DIAPH3: variants seen among roughly 807,000 people sequenced by gnomAD.
DIAPH3 encodes diaphanous related formin 3.
A neutral mutation model predicts 144.3 loss-of-function variants in DIAPH3; 117 were observed. That is an observed-to-expected ratio of 0.81 (90% CI 0.70 to 0.95). The LOEUF (loss-of-function observed/expected upper bound fraction) is 0.95. Among genes scored for constraint, DIAPH3 ranks in the 40% least tolerant of loss-of-function variants. The pLI is 0.00. For missense variants in DIAPH3, 1,421 were observed against 1,412.7 expected, an observed-to-expected ratio of 1.01 and a Z score of -0.09; for synonymous variants, 519 against 488.9, an observed-to-expected ratio of 1.06 and a Z score of -0.81.
At chr13:60,061,861 G>A (rs879715677) in intron 4 of DIAPH3, among the ~76,000 whole-genome samples, 3 of 151,826 alleles carry the variant, frequency 2.0e-5, no homozygotes, top group South Asian at 2.1e-4. Flanking sequence ...CCTTAACTCC[G>A]GGGGGTGAGG....
chr13:59,894,452 A>C (rs921806987), intron 20 of DIAPH3, among the ~76,000 whole-genome samples: 1 of 152,014 alleles, frequency 6.6e-6, no homozygotes, highest in African/African-American at 2.4e-5. Context: ...AAAATCATGG[A>C]TAATTCCAAA....
chr13:59,790,727 TG>T (rs2039286450), intron 25 of DIAPH3, among the ~76,000 whole-genome samples: 1 of 151,998 alleles, frequency 6.6e-6, no homozygotes, highest in Non-Finnish European at 1.5e-5. Context: ...GAAAAAGAAT[TG>T]ACATATGCTT....
chr13:59,884,296 C>T (rs1390997040), intron 20 of DIAPH3, among the ~76,000 whole-genome samples: 1 of 152,150 alleles, frequency 6.6e-6, no homozygotes, highest in Non-Finnish European at 1.5e-5. Context: ...AGGGCTCCCA[C>T]TGATTCTACA....
At chr13:59,707,570 A>G (rs147195058) in intron 27 of DIAPH3, among the ~76,000 whole-genome samples, 22 of 152,344 alleles carry the variant, frequency 1.4e-4, no homozygotes, top group African/African-American at 5.1e-4. Context: ...CCCAAAGTTT[A>G]TAACTTAGAA....
chr13:59,889,927 G>A (rs1193687271), intron 20 of DIAPH3, among the ~76,000 whole-genome samples: 1 of 152,134 alleles, frequency 6.6e-6, no homozygotes, highest in Non-Finnish European at 1.5e-5. Context: ...GGTTTTATTA[G>A]GGTGGGTCTA....
chr13:60,153,478 C>T (rs1180766938), intron 1 of DIAPH3: 1 of 152,068 alleles, frequency 6.6e-6, no homozygotes, highest in South Asian at 2.1e-4. Context: ...CAGGCCTCTG[C>T]TAACAGTGTA....
chr13:59,833,210 T>C lies in DIAPH3; in HGVS notation c.2924A>G (p.Glu975Gly), dbSNP rs1483722634. 1 of 1,610,006 alleles carries C rather than the reference T, an allele frequency of 6.2e-7. No homozygotes were observed. The highest frequency in any genetic ancestry group is 1.3e-5 in the African/African-American group (1 of 74,738). ...TCCTATTATACTCTGGTATAACTTT[T>C]CCATGTTTTCGTGTAACTTCGAAAG... ...ETLSKLHENM[E>G]KLYQSIIGYY... Residue 975 changes from glutamate (E) to glycine (G), a missense_variant, in exon 24 of 28, where the codon GAA becomes GGA. Transcript: ENST00000400324.
At position 60,137,345 on chromosome 13, in the gene DIAPH3, T is replaced by C. The variant is rs182254824; in HGVS notation, c.181-4356A>G. On this transcript the variant is annotated intron_variant, in intron 1 of 27. Coordinates refer to ENST00000400324, the MANE Select transcript of DIAPH3 (RefSeq NM_001042517.2). ...GAAGATAGTACATGCTGTCAAAAAATGGATTTAGAGCTTTCAGAGAACTGT... is the reference window on the plus strand; with the variant it reads ...GAAGATAGTACATGCTGTCAAAAAACGGATTTAGAGCTTTCAGAGAACTGT... Among the ~76,000 whole-genome samples, 272 of 152,324 alleles carry C rather than the reference T, an allele frequency of 1.8e-3. 1 individual carries two copies. Among genetic ancestry groups the C allele is most frequent in the Non-Finnish European group, 3.3e-3 (223 of 68,020 alleles).
intron 3 of DIAPH3, 69 bp downstream of exon 3, chr13:60,111,941 A>C: frequency 6.6e-7 from 1 of 1,524,964 alleles, no homozygotes; most frequent in African/African-American, 1.4e-5. Context: ...AAATGCTTAG[A>C]GTTCCATTAA....
intron 1 of DIAPH3, among the ~76,000 whole-genome samples, chr13:60,160,987 A>C (rs1404451527): frequency 1.3e-5 from 2 of 152,190 alleles, no homozygotes; most frequent in Non-Finnish European, 2.9e-5. Flanking sequence ...CTTTAACAGG[A>C]CTCAAAGTAA....
chr13:59,811,811 T>C (rs1004661025), intron 24 of DIAPH3, among the ~76,000 whole-genome samples: 2 of 150,764 alleles, frequency 1.3e-5, no homozygotes, highest in African/African-American at 4.9e-5. Flanking sequence ...AAACTAATAA[T>C]AACATGCTAA....
chr13:59,897,990 C>T (rs1453744413), intron 20 of DIAPH3, among the ~76,000 whole-genome samples: 1 of 150,508 alleles, frequency 6.6e-6, no homozygotes, highest in East Asian at 2.0e-4. Flanking sequence ...AAAAATTAGC[C>T]AGGCATGGTG....
intron 25 of DIAPH3, among the ~76,000 whole-genome samples, chr13:59,807,800 A>G (rs1198261561): frequency 6.6e-6 from 1 of 152,104 alleles, no homozygotes; most frequent in Non-Finnish European, 1.5e-5. Context: ...AACGAAAGAT[A>G]TAATAAAACG....
chr13:59,944,794 A>AGC (rs1555339347), intron 17 of DIAPH3, among the ~76,000 whole-genome samples: 28 of 148,176 alleles, frequency 1.9e-4, no homozygotes, highest in Admixed American at 1.4e-3. Flanking sequence ...TTAGAAAAAA[A>AGC]GGGGGGGGGC....
intron 17 of DIAPH3, among the ~76,000 whole-genome samples, chr13:59,949,491 T>G (rs948475298): frequency 1.3e-5 from 2 of 152,148 alleles, no homozygotes; most frequent in African/African-American, 2.4e-5. Flanking sequence ...TAATCTGAAA[T>G]AAAACCTCAG....
At chr13:59,969,543 C>T (rs1219675689) in intron 17 of DIAPH3, among the ~76,000 whole-genome samples, 1 of 152,162 alleles carries the variant, frequency 6.6e-6, no homozygotes, top group Non-Finnish European at 1.5e-5. Flanking sequence ...CCTCTCCTAG[C>T]TCCCCTAGTC....
At chr13:59,882,695 C>T (rs943139091) in intron 20 of DIAPH3, among the ~76,000 whole-genome samples, 3 of 152,044 alleles carry the variant, frequency 2.0e-5, no homozygotes, top group Non-Finnish European at 2.9e-5. Flanking sequence ...GAACAATAAA[C>T]ATAAAATGTA....
At position 60,138,495 on chromosome 13, in the gene DIAPH3, G is replaced by A. The variant is rs1212520260; in HGVS notation, c.181-5506C>T. Among the ~76,000 whole-genome samples the A allele has an allele frequency of 4.6e-5, 7 of 152,344 alleles. No individual in the cohort carries two copies. The South Asian group carries it at 1.2e-3, about 27-fold the overall frequency. On this transcript the variant is annotated intron_variant, in intron 1 of 27. Coordinates refer to ENST00000400324, the MANE Select transcript of DIAPH3 (RefSeq NM_001042517.2). The stretch of plus-strand genomic sequence containing the variant: ...TTCAAAGAAGTGAAAACAGAGAGCT[G>A]ATAAAGTTGGGACAGGCCTTACTGC...
At chr13:60,123,166 G>A (rs1028589611) in intron 2 of DIAPH3, among the ~76,000 whole-genome samples, 8 of 152,116 alleles carry the variant, frequency 5.3e-5, no homozygotes, top group Non-Finnish European at 1.2e-4. Context: ...ATTCCAACCT[G>A]TCCTTCAAAA....
Sources: gnomAD v4.1 joint callset for allele counts (sites outside exome capture counted in the v4.1 genomes callset) on GRCh38, gnomAD v4.1.1 for gene constraint, MANE v1.5 for transcripts, NCBI Gene and HGNC (gene_info 2026-07-23, HGNC 2026-07-21) for gene names.